LAMA4: variants seen among roughly 807,000 people sequenced by gnomAD.
LAMA4 encodes laminin subunit alpha-4.
Under a neutral mutation model 207.1 loss-of-function variants are expected in LAMA4, and 127 were observed. The observed-to-expected ratio is 0.61, with a 90% CI of 0.53 to 0.71. The LOEUF is 0.71. Ranked by LOEUF, LAMA4 falls within the 30% of genes least tolerant of loss-of-function variation. The pLI, the probability that LAMA4 is intolerant of heterozygous loss-of-function variation, is 0.00. For synonymous variants in LAMA4, 761 were observed against 816.0 expected (o/e 0.93, Z 1.15); for missense variants, 2,093 against 2,246.5 (o/e 0.93, Z 1.38).
chr6:112,139,112 T>C lies in LAMA4; in HGVS notation c.3282+8A>G, dbSNP rs1779525885. ...AGGAGAAGTAGTAGGACTTGTATTT[T>C]TACTCACTCCATTGACCATCAGGAG... On this transcript the variant is annotated splice_region_variant and intron_variant, in intron 24 of 38. Transcript: ENST00000230538. The C allele has an allele frequency of 1.9e-6, 3 of 1,613,436 alleles. No individual in the cohort carries two copies. Among genetic ancestry groups the C allele is most frequent in the Non-Finnish European group, 2.5e-6 (3 of 1,179,384 alleles).
At chr6:112,195,349 G>A (rs1783352024) in intron 5 of LAMA4, among the ~76,000 whole-genome samples, 1 of 152,182 alleles carries the variant, frequency 6.6e-6, no homozygotes, top group Admixed American at 6.5e-5. Context: ...GGGTCACAGG[G>A]CAAGAATTCA....
At chr6:112,150,486 G>T in intron 17 of LAMA4, 25 bp downstream of exon 17, 1 of 1,382,576 alleles carries the variant, frequency 7.2e-7, no homozygotes, top group Non-Finnish European at 1.0e-6. Flanking sequence ...CAACAGATGA[G>T]ACTTCAATTC....
chr6:112,130,598 T>C (rs1180786047), intron 29 of LAMA4, among the ~76,000 whole-genome samples: 1 of 152,120 alleles, frequency 6.6e-6, no homozygotes, highest in Non-Finnish European at 1.5e-5. Context: ...ATGCCATAAA[T>C]GTTGCATTCT....
At position 112,144,903 on chromosome 6, in the gene LAMA4, A is replaced by T; in HGVS notation, c.2384T>A (p.Leu795His). 6.2e-7 allele frequency: 1 copy of T among 1,613,914 alleles called. No homozygotes were observed. The highest frequency in any genetic ancestry group is 2.2e-5 in the East Asian group (1 of 44,890). ...CTCAACCGTACGAAGCTGATCCAGGAGCTGAGGGACAACCTCGGTCAGATT... is the reference window on the plus strand; with the variant it reads ...CTCAACCGTACGAAGCTGATCCAGGTGCTGAGGGACAACCTCGGTCAGATT... ...VRNLTEVVPQ[L>H]LDQLRTVEQK... Residue 795 changes from leucine to histidine, a missense_variant, in exon 19 of 39, where the codon CTC becomes CAC. This residue lies in a region of LAMA4 where 1,704 missense variants were observed against 1,788.4 expected (regional missense o/e 0.95). Coordinates refer to ENST00000230538, the MANE Select transcript of LAMA4 (RefSeq NM_001105206.3).
chr6:112,191,663 C>T lies in LAMA4; in HGVS notation c.691G>A (p.Asp231Asn). The T allele has an allele frequency of 3.1e-6, 5 of 1,613,950 alleles. No individual in the cohort carries two copies. Among genetic ancestry groups the T allele is most frequent in the African/African-American group, 2.7e-5 (2 of 75,030 alleles). The part of the protein sequence containing the change: ...CERCAPGYYG[D>N]ARIAKNCAVC... The stretch of plus-strand genomic sequence containing the variant: ...GCACAGTTCTTGGCTATCCTGGCGT[C>T]CCCATAGTAGCCAGGAGCGCAACGT... The change falls in exon 6 of 39, where the codon GAC becomes AAC. Residue 231 changes from aspartate (D) to asparagine (N), a missense_variant. This residue lies in a region of LAMA4 where 1,704 missense variants were observed against 1,788.4 expected (regional missense o/e 0.95). Coordinates refer to ENST00000230538, the MANE Select transcript of LAMA4 (RefSeq NM_001105206.3).
At chr6:112,133,272 C>T (rs1583671612) in intron 27 of LAMA4, 77 bp downstream of exon 27, 1 of 1,501,812 alleles carries the variant, frequency 6.7e-7, no homozygotes, top group Admixed American at 1.7e-5. Context: ...CAGAGAGAAG[C>T]TGAAAAGAAC....
chr6:112,159,304 C>T, intron 13 of LAMA4: 1 of 179,718 alleles, frequency 5.6e-6, no homozygotes, highest in Non-Finnish European at 1.1e-5. Context: ...CTGATTTCTA[C>T]TCCATTACTC....
In LAMA4 at chr6:112,118,926, C is replaced by G. The variant is rs781844907; in HGVS notation, c.4821+230G>C. 1.1e-4 allele frequency among the ~76,000 whole-genome samples: 16 copies of G among 152,042 alleles called. No homozygotes were observed. Among genetic ancestry groups the G allele is most frequent in the Non-Finnish European group, 1.9e-4 (13 of 68,016 alleles). ...TTCATGATAATTTATGCCTCTGAAA[C>G]TTTTTCATTTGACATCTACCTTAGA... is the stretch of plus-strand genomic sequence containing the variant. On this transcript the variant is annotated intron_variant, in intron 34 of 38. Transcript: ENST00000230538. The surrounding 1 kb of genome is among the most constrained non-coding windows in gnomAD (Gnocchi z 4.6).
At chr6:112,216,347 G>T in intron 3 of LAMA4, 21 bp downstream of exon 3, 1 of 1,499,222 alleles carries the variant, frequency 6.7e-7, no homozygotes, top group Non-Finnish European at 9.3e-7. Context: ...TACGTGAAGT[G>T]TTATAGGTGC....
intron 9 of LAMA4, among the ~76,000 whole-genome samples, chr6:112,182,176 A>G (rs1417272282): frequency 1.3e-5 from 2 of 152,136 alleles, no homozygotes; most frequent in Non-Finnish European, 2.9e-5. Flanking sequence ...ATAGAAATGT[A>G]AACAGTTATC....
In LAMA4 at chr6:112,109,148, A is replaced by G. The variant is rs1554320742; in HGVS notation, c.*289T>C. Reference sequence around the variant, plus strand: ...CAAGTGTTTATTTGGAATCCCTTCTATTTTATTAGAAACAGAAACAGTAAT... The same window carrying G: ...CAAGTGTTTATTTGGAATCCCTTCTGTTTTATTAGAAACAGAAACAGTAAT... On this transcript the variant is annotated 3_prime_UTR_variant, in exon 39 of 39. Transcript: ENST00000230538. The G allele has an allele frequency of 4.8e-6, 2 of 417,432 alleles. No homozygotes were observed. Among genetic ancestry groups the G allele is most frequent in the African/African-American group, 2.0e-5 (1 of 49,756 alleles). The allele number at this position is 417,432 out of a possible 1,614,324, so 25.9% of individuals were successfully genotyped here. A position where few individuals can be genotyped will look rare whatever the true frequency, so the allele number is the denominator to read the frequency against.
intron 5 of LAMA4, among the ~76,000 whole-genome samples, chr6:112,198,146 C>A (rs140574170): frequency 6.6e-6 from 1 of 151,996 alleles, no homozygotes; most frequent in African/African-American, 2.4e-5. Flanking sequence ...GAGAATCCGA[C>A]GGGAAGTCAA....
chr6:112,118,424 G>A lies in LAMA4; in HGVS notation c.4822-526C>T, dbSNP rs587764584. 2.0e-5 allele frequency among the ~76,000 whole-genome samples: 3 copies of A among 152,262 alleles called. No individual in the cohort carries two copies. Among genetic ancestry groups the A allele is most frequent in the African/African-American group, 7.2e-5 (3 of 41,550 alleles). ...ATTTGGACATTTTAAAAAAGAGATTGCCATGGAATTGGGGCTGCTTATCTA... is the reference window on the plus strand; with the variant it reads ...ATTTGGACATTTTAAAAAAGAGATTACCATGGAATTGGGGCTGCTTATCTA... On this transcript the variant is annotated intron_variant, in intron 34 of 38. Transcript: ENST00000230538. This position sits in a 1 kb window ranked among gnomAD's most constrained non-coding sequence, Gnocchi z 4.6.
rs1489894322 is a variant in LAMA4 at position 112,172,639 on chromosome 6, G to T, written c.1523C>A (p.Ala508Asp). The change falls in exon 12 of 39, where the codon GCC becomes GAC. Residue 508 changes from alanine (A) to aspartate (D), a missense_variant. Ala to Asp is a moderately radical substitution (Grantham distance 126). This residue lies in a region of LAMA4 where 1,704 missense variants were observed against 1,788.4 expected (regional missense o/e 0.95). Transcript: ENST00000230538. ...ATGGTCCCGCTGCCTGGCTGCTGTG[G>T]CCCTGTTCATGTCTTCGGCATCCCT... ...YVRDAEDMNR[A>D]TAARQRDHEK... The T allele has an allele frequency of 9.3e-6, 15 of 1,612,968 alleles. No homozygotes were observed. Among genetic ancestry groups the T allele is most frequent in the Non-Finnish European group, 1.0e-5 (12 of 1,180,012 alleles).
chr6:112,119,332 T>A (rs1488626531), intron 33 of LAMA4, 21 bp from the exon 34 acceptor site: 1 of 1,612,358 alleles, frequency 6.2e-7, no homozygotes. Flanking sequence ...AGAAGGACAA[T>A]AGCACATCTC....
At chr6:112,157,727 A>T (rs1780804226) in intron 14 of LAMA4, among the ~76,000 whole-genome samples, 2 of 152,188 alleles carry the variant, frequency 1.3e-5, no homozygotes, top group Non-Finnish European at 2.9e-5. Flanking sequence ...CATAAGATGG[A>T]TCTCAAAAAC....
intron 4 of LAMA4, among the ~76,000 whole-genome samples, chr6:112,205,361 A>C (rs1554353890): frequency 6.7e-6 from 1 of 150,352 alleles, no homozygotes; most frequent in East Asian, 1.9e-4. Flanking sequence ...AGTTTGATTT[A>C]CTGTACTAAG....
chr6:112,144,813 G>C lies in LAMA4; in HGVS notation c.2474C>G (p.Thr825Ser). 1 of 1,613,618 alleles carries C rather than the reference G, an allele frequency of 6.2e-7. No individual in the cohort carries two copies. The highest frequency in any genetic ancestry group is 8.5e-7 in the Non-Finnish European group (1 of 1,180,018). Residue 825 changes from threonine to serine, a missense_variant, in exon 19 of 39, where the codon ACC becomes AGC. Physicochemically the swap from Thr to Ser is moderately conservative, Grantham distance 58. Transcript: ENST00000230538. Reference sequence around the variant, plus strand: ...AGTTACCTTGCTGGCAACACTTCTGGTCTGAGCAATGAGCTCTCGGATCCT... The same window carrying C: ...AGTTACCTTGCTGGCAACACTTCTGCTCTGAGCAATGAGCTCTCGGATCCT... ...IQRIRELIAQ[T>S]RSVASKIQVS... is the part of the protein sequence containing the mutation.
At chr6:112,240,113 T>A (rs556886326) in intron 2 of LAMA4, among the ~76,000 whole-genome samples, 1 of 152,320 alleles carries the variant, frequency 6.6e-6, no homozygotes, top group South Asian at 2.1e-4. Context: ...ATTTCCTTTC[T>A]TTTTCTATTG....
Sources: gnomAD v4.1 joint callset for allele counts (sites outside exome capture counted in the v4.1 genomes callset) on GRCh38, gnomAD v4.1.1 for gene constraint, gnomAD v4.1.1 regional missense constraint, Gnocchi (gnomAD v3.1) non-coding constraint, MANE v1.5 for transcripts, NCBI Gene and HGNC (gene_info 2026-07-23, HGNC 2026-07-21) for gene names.